Variants in HYDIN observed in about 807,000 individuals in gnomAD.
HYDIN encodes the protein HYDIN axonemal central pair apparatus protein, also known as axonemal central pair apparatus protein HYDIN.
In HYDIN, 132 loss-of-function variants were observed where a neutral mutation model predicts 403.9. The observed-to-expected ratio is 0.33, with a 90% CI of 0.28 to 0.38. The LOEUF (loss-of-function observed/expected upper bound fraction) is 0.38, where lower values mean the gene tolerates loss of function less well. Ranked by LOEUF, HYDIN falls within the 10% of genes least tolerant of loss-of-function variation. The probability of loss-of-function intolerance (pLI) is 1.00; values close to 1 mark genes in which losing one functional copy is unlikely to be tolerated. For synonymous variants in HYDIN, 1,202 were observed against 1,891.7 expected, an observed-to-expected ratio of 0.64 and a Z score of 9.46; for missense variants, 2,827 against 5,009.5, an observed-to-expected ratio of 0.56 and a Z score of 13.15.
intron 1 of HYDIN, among the ~76,000 whole-genome samples, chr16:71,197,874 A>T (rs1385610250): frequency 1.3e-5 from 2 of 152,114 alleles, no homozygotes; most frequent in Non-Finnish European, 2.9e-5. Context: ...CAGCCTCCCG[A>T]CTAGCTGGGA....
At chr16:70,946,763 C>T (rs1774350) in intron 41 of HYDIN, among the ~76,000 whole-genome samples, 11 of 152,084 alleles carry the variant, frequency 7.2e-5, no homozygotes, top group East Asian at 5.8e-4. Context: ...TTATGGGTAG[C>T]GGTGAACAAT....
chr16:71,215,210 G>A (rs938705347), intron 1 of HYDIN, among the ~76,000 whole-genome samples: 1 of 151,918 alleles, frequency 6.6e-6, no homozygotes, highest in Non-Finnish European at 1.5e-5. Flanking sequence ...AAGAAGCAAG[G>A]AAAGAAGGGA....
intron 41 of HYDIN, among the ~76,000 whole-genome samples, chr16:70,945,603 C>A (rs1218537501): frequency 6.6e-6 from 1 of 152,044 alleles, no homozygotes; most frequent in Non-Finnish European, 1.5e-5. Flanking sequence ...AGACTTTGTC[C>A]CAGGCTACTC....
chr16:70,910,554 G>A (rs1180670228), intron 47 of HYDIN, among the ~76,000 whole-genome samples: 1 of 151,574 alleles, frequency 6.6e-6, no homozygotes, highest in African/African-American at 2.4e-5. Flanking sequence ...GTGTGTGCAA[G>A]TATCTTTTTC....
At chr16:71,061,402 C>T (rs1368527523) in intron 17 of HYDIN, among the ~76,000 whole-genome samples, 1 of 152,236 alleles carries the variant, frequency 6.6e-6, no homozygotes, top group Non-Finnish European at 1.5e-5. Context: ...AGAGTCACAA[C>T]AAAGAAACGT....
chr16:71,027,233 A>C, intron 20 of HYDIN: 8 of 1,122,012 alleles, frequency 7.1e-6, no homozygotes, highest in African/African-American at 1.7e-5. Flanking sequence ...GAGGCAGCCC[A>C]GAGTGTCGAT....
At chr16:71,056,170 C>T in intron 18 of HYDIN, among the ~76,000 whole-genome samples, 1 of 140,708 alleles carries the variant, frequency 7.1e-6, no homozygotes, top group Non-Finnish European at 1.5e-5. Flanking sequence ...CCAGAGGTGC[C>T]TTATTTGATT....
In HYDIN at chr16:71,230,647, A is replaced by C. The variant is rs915546050; in HGVS notation, c.-109T>G. 1 of 1,535,982 alleles carries C rather than the reference A, an allele frequency of 6.5e-7. No individual in the cohort carries two copies. The highest frequency in any genetic ancestry group is 2.0e-5 in the Admixed American group (1 of 50,974). On this transcript the variant is annotated 5_prime_UTR_variant, in exon 1 of 86. Transcript: ENST00000393567. The stretch of plus-strand genomic sequence containing the variant: ...CAACTCACAGACCCCGCCGCCGCTG[A>C]GGGGCTCCATACCCAGCTTGAAGCC...
chr16:70,917,295 ACT>A (rs1470861817), intron 47 of HYDIN, among the ~76,000 whole-genome samples: 1 of 152,054 alleles, frequency 6.6e-6, no homozygotes, highest in South Asian at 2.1e-4. Flanking sequence ...GTCACCAGGG[ACT>A]CTCTGCTTGG....
chr16:70,963,033 C>T (rs1355635), intron 37 of HYDIN, among the ~76,000 whole-genome samples: 19 of 152,278 alleles, frequency 1.2e-4, no homozygotes, highest in Admixed American at 5.2e-4. Flanking sequence ...TGGTGTGTGA[C>T]GACAAGGGGA....
rs562774455 is a variant in HYDIN, at chr16:70,902,408, G to A, written c.8850-1206C>T. Among the ~76,000 whole-genome samples, 69 of 148,404 alleles carry A rather than the reference G, an allele frequency of 4.6e-4. 2 individuals are homozygous for A. The East Asian group carries it at 0.013, about 28-fold the overall frequency. On this transcript the variant is annotated intron_variant, in intron 52 of 85. Coordinates refer to ENST00000393567, the MANE Select transcript of HYDIN (RefSeq NM_001270974.2). ...TGAATTACCGGAGCTCAGGAGTTGA[G>A]ACCAGCCTGGGCAACATGGCAAAAC...
intron 45 of HYDIN, among the ~76,000 whole-genome samples, chr16:70,927,586 G>A (rs898610905): frequency 9.9e-5 from 15 of 152,030 alleles, no homozygotes; most frequent in African/African-American, 3.6e-4. Flanking sequence ...TCAAAGTGCT[G>A]GGCAGGAGCA....
Position 70,857,829 on chromosome 16 carries a change from C to G in HYDIN, c.12171G>C (p.Glu4057Asp). The part of the protein sequence containing the change: ...QFTPFHLGIT[E>D]SSWTFLIPEH... ...CGGGAATTAGGAAGGTCCATGATGA[C>G]TCAGTGATGCCCAGATGGAAAGGTG... Residue 4057 changes from glutamate to aspartate, a missense_variant, in exon 72 of 86, where the codon GAG becomes GAC. Transcript: ENST00000393567. 1 of 1,612,176 alleles carries G rather than the reference C, an allele frequency of 6.2e-7. No homozygotes were observed.
At chr16:70,811,095 T>G (rs2035468834) in intron 84 of HYDIN, among the ~76,000 whole-genome samples, 1 of 152,136 alleles carries the variant, frequency 6.6e-6, no homozygotes, top group Admixed American at 6.5e-5. Flanking sequence ...AAATTTGGTT[T>G]TACTATGAGT....
At chr16:71,023,068 A>G (rs1348172502) in intron 21 of HYDIN, among the ~76,000 whole-genome samples, 1 of 152,216 alleles carries the variant, frequency 6.6e-6, no homozygotes, top group Non-Finnish European at 1.5e-5. Context: ...TTCTCCCAGT[A>G]ATGGCATTCA....
chr16:70,876,024 T>C (rs183314854), intron 62 of HYDIN, among the ~76,000 whole-genome samples: 5,290 of 152,052 alleles, frequency 0.035, 256 homozygotes, highest in African/African-American at 0.12. Context: ...AAAAATTTTT[T>C]TTAAAGCATA....
chr16:71,175,686 C>G lies in HYDIN; in HGVS notation c.437G>C (p.Ser146Thr), dbSNP rs760548058. The change falls in exon 5 of 86, where the codon AGC becomes ACC. Residue 146 changes from serine (S) to threonine (T), a missense_variant. Transcript: ENST00000393567. Reference sequence around the variant, plus strand: ...CACTTTGTGGCCAATATCTTTGGGGCTGATTACTTTAAAGTAAGGCGAACT... The same window carrying G: ...CACTTTGTGGCCAATATCTTTGGGGGTGATTACTTTAAAGTAAGGCGAACT... Reference protein sequence around the residue: ...EESSPYFKVISPKDIGHKVAP... With the variant: ...EESSPYFKVITPKDIGHKVAP... 6.2e-7 allele frequency: 1 copy of G among 1,614,108 alleles called. No individual in the cohort carries two copies. Among genetic ancestry groups the G allele is most frequent in the Non-Finnish European group, 8.5e-7 (1 of 1,179,958 alleles).
chr16:71,006,708 T>C (rs1194205858), intron 23 of HYDIN, among the ~76,000 whole-genome samples: 1 of 151,592 alleles, frequency 6.6e-6, no homozygotes, highest in South Asian at 2.1e-4. Flanking sequence ...GATCCTTCCC[T>C]CCACCCTGCA....
chr16:71,182,844 A>T (rs2086964894), intron 3 of HYDIN, among the ~76,000 whole-genome samples: 1 of 152,130 alleles, frequency 6.6e-6, no homozygotes, highest in African/African-American at 2.4e-5. Context: ...GGGAGCTCTA[A>T]TATTTAGTGA....
Sources: gnomAD v4.1 joint callset for allele counts (sites outside exome capture counted in the v4.1 genomes callset) on GRCh38, gnomAD v4.1.1 for gene constraint, MANE v1.5 for transcripts, NCBI Gene and HGNC (gene_info 2026-07-23, HGNC 2026-07-21) for gene names.